DHRSX: variants seen among roughly 807,000 people sequenced by gnomAD.
DHRSX encodes dehydrogenase/reductase X-linked.
A neutral mutation model predicts 34.0 loss-of-function variants in DHRSX; 31 were observed. The ratio of observed to expected loss-of-function variants is 0.91; its 90% CI spans 0.69 to 1.23. DHRSX has a LOEUF of 1.23. Among genes scored for constraint, DHRSX ranks in the 50% most tolerant of loss-of-function variants. The pLI is 0.00. For missense variants in DHRSX, 414 were observed against 428.1 expected, an observed-to-expected ratio of 0.97 and a Z score of 0.29; for synonymous variants, 201 against 183.8, an observed-to-expected ratio of 1.09 and a Z score of -0.76.
chrX:2,328,948 T>A lies in DHRSX; in HGVS notation c.287-37345A>T, dbSNP rs189890371. 2.5e-3 allele frequency among the ~76,000 whole-genome samples: 377 copies of A among 152,226 alleles called. 1 individual carries two copies. Among genetic ancestry groups the A allele is most frequent in the African/African-American group, 8.6e-3 (359 of 41,530 alleles). On this transcript the variant is annotated intron_variant, in intron 3 of 6. Coordinates refer to ENST00000334651, the MANE Select transcript of DHRSX (RefSeq NM_145177.3). ...CAAAGCATTAGAGTGATCTGAACAA[T>A]GGGAATCTTTGCACAGAGGAGGATG... is the stretch of plus-strand genomic sequence containing the variant.
intron 6 of DHRSX, among the ~76,000 whole-genome samples, chrX:2,238,633 G>C (rs1021702466): frequency 7.9e-5 from 12 of 151,106 alleles, no homozygotes; most frequent in African/African-American, 2.9e-4. Flanking sequence ...ACCCAGGCTG[G>C]AGTGCAATGG....
chrX:2,379,595 G>GTTTTTTTTTTTTTTTTTTTTTTTT (rs749144665), intron 3 of DHRSX, among the ~76,000 whole-genome samples: 1 of 103,924 alleles, frequency 9.6e-6, no homozygotes, highest in Non-Finnish European at 2.0e-5. Flanking sequence ...GGCAGTGGAG[G>GTTTTTTTTTTTTTTTTTTTTTTTT]TTTTTTTTTT....
intron 1 of DHRSX, among the ~76,000 whole-genome samples, chrX:2,476,463 T>TG (rs1343168980): frequency 2.0e-5 from 3 of 151,058 alleles, no homozygotes; most frequent in Admixed American, 6.6e-5. Flanking sequence ...ATCTACACTG[T>TG]GAAAAAAATA....
rs190261445 is a variant in DHRSX at position 2,228,486 on chromosome X, A to G, written c.805-7257T>C. 2.9e-4 allele frequency among the ~76,000 whole-genome samples: 25 copies of G among 86,490 alleles called. 1 individual carries two copies. The highest frequency in any genetic ancestry group is 8.2e-4 in the African/African-American group (12 of 14,630). 56.7% of individuals were successfully genotyped at this position (86,490 alleles called of 152,430 possible). On this transcript the variant is annotated intron_variant, in intron 6 of 6. Coordinates refer to ENST00000334651, the MANE Select transcript of DHRSX (RefSeq NM_145177.3). ...GGAGGGAGGGAGGGAGGAAGGAAGG[A>G]AGGAAGGGAGGAAGGAAGGAAAAAA... is the stretch of plus-strand genomic sequence containing the variant.
intron 3 of DHRSX, among the ~76,000 whole-genome samples, chrX:2,315,082 C>T (rs186397207): frequency 1.3e-4 from 20 of 152,044 alleles, no homozygotes; most frequent in African/African-American, 4.3e-4. Context: ...TGCCTGAACC[C>T]GGGAGGTGGA....
In DHRSX at chrX:2,225,766, C is replaced by G. The variant is rs1182427408; in HGVS notation, c.805-4537G>C. On this transcript the variant is annotated intron_variant, in intron 6 of 6. Coordinates refer to ENST00000334651, the MANE Select transcript of DHRSX (RefSeq NM_145177.3). ...AGGGAAAAGACGGCGTCTCCAAGCC[C>G]AGGAGAGAGACCTCAGGAGGAACCA... Among the ~76,000 whole-genome samples the G allele has an allele frequency of 1.2e-4, 15 of 122,104 alleles. 1 individual carries two copies. Among genetic ancestry groups the G allele is most frequent in the Admixed American group, 8.9e-4 (11 of 12,428 alleles). The allele number at this position is 122,104 out of a possible 152,430, so 80.1% of individuals were successfully genotyped here. A position where few individuals can be genotyped will look rare whatever the true frequency, so the allele number is the denominator to read the frequency against.
intron 3 of DHRSX, among the ~76,000 whole-genome samples, chrX:2,329,873 G>A (rs778502151): frequency 6.6e-6 from 1 of 151,954 alleles, no homozygotes; most frequent in African/African-American, 2.4e-5. Context: ...AAACACACAA[G>A]TATCAGCTCA....
At chrX:2,497,674 T>C (rs1189835699) in intron 1 of DHRSX, among the ~76,000 whole-genome samples, 1 of 152,214 alleles carries the variant, frequency 6.6e-6, no homozygotes, top group Non-Finnish European at 1.5e-5. Context: ...ATAGAACTTT[T>C]AAGAAAAATT....
intron 1 of DHRSX, chrX:2,488,731 G>A (rs766625007): frequency 2.8e-5 from 45 of 1,613,850 alleles, no homozygotes; most frequent in African/African-American, 1.3e-4. Flanking sequence ...ACTCCCCCTC[G>A]TCCTGGTCCT....
intron 3 of DHRSX, among the ~76,000 whole-genome samples, chrX:2,341,858 G>A (rs1173679920): frequency 1.3e-5 from 2 of 150,094 alleles, no homozygotes; most frequent in Non-Finnish European, 3.0e-5. Context: ...AGGCTGGAGC[G>A]CAATGGCGTG....
intron 5 of DHRSX, among the ~76,000 whole-genome samples, chrX:2,251,382 C>T (rs1300491709): frequency 3.3e-5 from 5 of 152,206 alleles, no homozygotes; most frequent in African/African-American, 7.2e-5. Context: ...GCAAGCATTA[C>T]GTCACAGCCT....
chrX:2,500,726 A>G (rs2045405960), intron 1 of DHRSX, 91 bp downstream of exon 1: 1 of 458,348 alleles, frequency 2.2e-6, no homozygotes, highest in African/African-American at 2.4e-5. Flanking sequence ...CGCCTCGCCA[A>G]GGTCACGCGG....
intron 3 of DHRSX, among the ~76,000 whole-genome samples, chrX:2,325,851 T>TTTC (rs2124539922): frequency 6.6e-6 from 1 of 151,770 alleles, no homozygotes; most frequent in East Asian, 1.9e-4. Context: ...ACCATTTCTC[T>TTTC]TTCTCTTCTC....
intron 3 of DHRSX, among the ~76,000 whole-genome samples, chrX:2,325,474 C>T (rs959294235): frequency 3.9e-5 from 6 of 152,194 alleles, no homozygotes; most frequent in African/African-American, 1.4e-4. Flanking sequence ...GTGGCTCCAT[C>T]TTCCCTCCTC....
At chrX:2,398,099 G>T (rs2043437450) in intron 3 of DHRSX, among the ~76,000 whole-genome samples, 1 of 152,156 alleles carries the variant, frequency 6.6e-6, no homozygotes, top group South Asian at 2.1e-4. Context: ...TTGCGGAAGG[G>T]GGCTCGCTTG....
At chrX:2,440,903 A>G (rs937446632) in intron 1 of DHRSX, among the ~76,000 whole-genome samples, 7 of 152,130 alleles carry the variant, frequency 4.6e-5, no homozygotes, top group Non-Finnish European at 8.8e-5. Flanking sequence ...GTCCCTGTAG[A>G]TCACCCTGAC....
intron 1 of DHRSX, among the ~76,000 whole-genome samples, chrX:2,435,801 A>G (rs568396014): frequency 6.6e-6 from 1 of 152,228 alleles, no homozygotes; most frequent in East Asian, 1.9e-4. Context: ...TAAATAAATA[A>G]ATCTATGCTT....
At chrX:2,472,399 G>A (rs1241846313) in intron 1 of DHRSX, among the ~76,000 whole-genome samples, 1 of 152,080 alleles carries the variant, frequency 6.6e-6, no homozygotes, top group Non-Finnish European at 1.5e-5. Context: ...CTACCTGGTT[G>A]ATGAATTAAT....
intron 1 of DHRSX, among the ~76,000 whole-genome samples, chrX:2,438,306 TACACAC>T (rs113154779): frequency 8.7e-5 from 13 of 149,652 alleles, no homozygotes; most frequent in Admixed American, 6.0e-4. Context: ...ACAGAATGCA[TACACAC>T]ACACACACAC....
Sources: gnomAD v4.1 joint callset for allele counts (sites outside exome capture counted in the v4.1 genomes callset) on GRCh38, gnomAD v4.1.1 for gene constraint, MANE v1.5 for transcripts, NCBI Gene and HGNC (gene_info 2026-07-23, HGNC 2026-07-21) for gene names.